GRID2: variants seen among roughly 807,000 people sequenced by gnomAD.
GRID2 encodes glutamate receptor ionotropic, delta-2.
A neutral mutation model predicts 114.8 loss-of-function variants in GRID2; 33 were observed. That is an observed-to-expected ratio of 0.29 (90% CI 0.22 to 0.38). GRID2 has a LOEUF of 0.38. Among genes scored for constraint, GRID2 ranks in the 10% least tolerant of loss-of-function variants. The probability of loss-of-function intolerance (pLI) is 1.00; values close to 1 mark genes in which losing one functional copy is unlikely to be tolerated. For missense variants in GRID2, 1,184 were observed against 1,257.7 expected (o/e 0.94, Z 0.89); for synonymous variants, 505 against 449.9 (o/e 1.12, Z -1.55).
intron 1 of GRID2, among the ~76,000 whole-genome samples, chr4:92,387,111 G>C (rs1730000728): frequency 6.6e-6 from 1 of 151,748 alleles, no homozygotes; most frequent in Non-Finnish European, 1.5e-5. Context: ...ATTATCTGTT[G>C]ATTTCACCTG....
chr4:92,358,853 C>T (rs1274913793), intron 1 of GRID2, among the ~76,000 whole-genome samples: 2 of 151,878 alleles, frequency 1.3e-5, no homozygotes, highest in East Asian at 1.9e-4. Flanking sequence ...GTGCCATTCT[C>T]ATTAGTATAG....
chr4:92,938,703 A>C, intron 2 of GRID2, among the ~76,000 whole-genome samples: 1 of 145,472 alleles, frequency 6.9e-6, no homozygotes, highest in South Asian at 2.4e-4. Context: ...TCTTAATGCT[A>C]TCCCTCCCCC....
At chr4:93,172,820 G>C (rs1579189813) in intron 4 of GRID2, among the ~76,000 whole-genome samples, 1 of 151,892 alleles carries the variant, frequency 6.6e-6, no homozygotes, top group African/African-American at 2.4e-5. Flanking sequence ...CAGAAGTTTT[G>C]ATTCAAATTA....
At chr4:92,598,440 C>A (rs1269809995) in intron 2 of GRID2, among the ~76,000 whole-genome samples, 1 of 152,088 alleles carries the variant, frequency 6.6e-6, no homozygotes, top group Admixed American at 6.6e-5. Flanking sequence ...CCCTTTTAAT[C>A]CTTGACTCTC....
At chr4:92,771,520 G>T (rs1738547394) in intron 2 of GRID2, among the ~76,000 whole-genome samples, 3 of 152,102 alleles carry the variant, frequency 2.0e-5, no homozygotes, top group Admixed American at 1.3e-4. Flanking sequence ...GAGTGTGAAT[G>T]TGTAAGTTTT....
At chr4:93,796,749 C>T (rs1394528287) in intron 1 of GRID2, among the ~76,000 whole-genome samples, 1 of 152,106 alleles carries the variant, frequency 6.6e-6, no homozygotes, top group East Asian at 1.9e-4. Context: ...TGGGTTTCAC[C>T]ATGTTGGCCA....
rs531679793 is a variant in GRID2, at chr4:92,909,264, C to CT, written c.245-175720dup. On this transcript the variant is annotated intron_variant, in intron 2 of 15. Coordinates refer to ENST00000282020, the MANE Select transcript of GRID2 (RefSeq NM_001510.4). ...AACATGCAATAAAGTTAGTTTTTTT[C>CT]TTTTTTTTTTTCAAGAAATGCTTTA... Among the ~76,000 whole-genome samples the CT allele has an allele frequency of 7.5e-3, 1,052 of 141,204 alleles. 15 individuals are homozygous for CT. The highest frequency in any genetic ancestry group is 0.021 in the African/African-American group (802 of 38,734). The allele number at this position is 141,204 out of a possible 152,430, so 92.6% of individuals were successfully genotyped here. A position where few individuals can be genotyped will look rare whatever the true frequency, so the allele number is the denominator to read the frequency against.
At chr4:92,510,530 A>C (rs1186529841) in intron 1 of GRID2, among the ~76,000 whole-genome samples, 1 of 151,884 alleles carries the variant, frequency 6.6e-6, no homozygotes, top group Non-Finnish European at 1.5e-5. Flanking sequence ...TGATAGAAGC[A>C]AACTCTAGGG....
intron 8 of GRID2, among the ~76,000 whole-genome samples, chr4:93,323,427 C>T (rs913877392): frequency 2.0e-5 from 3 of 152,068 alleles, no homozygotes; most frequent in Non-Finnish European, 4.4e-5. Flanking sequence ...GGTACCAGTA[C>T]CATGCTGTTT....
chr4:93,061,202 T>TA (rs908400855), intron 2 of GRID2, among the ~76,000 whole-genome samples: 1 of 132,654 alleles, frequency 7.5e-6, no homozygotes, highest in African/African-American at 2.6e-5. Context: ...TCTTGTTTTT[T>TA]TTTTTTTTTT....
chr4:93,535,030 C>T (rs567860439), intron 13 of GRID2, among the ~76,000 whole-genome samples: 2 of 152,046 alleles, frequency 1.3e-5, no homozygotes, highest in East Asian at 1.9e-4. Context: ...CTCACCTCCA[C>T]CCCAGGCTCT....
intron 2 of GRID2, among the ~76,000 whole-genome samples, chr4:93,007,748 G>A (rs1280073836): frequency 6.6e-6 from 1 of 151,926 alleles, no homozygotes; most frequent in Non-Finnish European, 1.5e-5. Context: ...AATGGATAAA[G>A]AAAATAAAAT....
chr4:92,500,679 G>T (rs989396744), intron 1 of GRID2, among the ~76,000 whole-genome samples: 1 of 152,140 alleles, frequency 6.6e-6, no homozygotes, highest in African/African-American at 2.4e-5. Context: ...GGCTTTAAAA[G>T]AATACCAGGT....
intron 2 of GRID2, among the ~76,000 whole-genome samples, chr4:92,655,357 A>G (rs1732173039): frequency 6.6e-6 from 1 of 151,758 alleles, no homozygotes; most frequent in South Asian, 2.1e-4. Context: ...TGCTTTGGCT[A>G]TTTGAGCCTT....
intron 2 of GRID2, among the ~76,000 whole-genome samples, chr4:92,753,099 C>T (rs1737533373): frequency 6.6e-6 from 1 of 152,078 alleles, no homozygotes; most frequent in African/African-American, 2.4e-5. Flanking sequence ...TGATTTATTA[C>T]AAATGTAAGT....
chr4:92,854,553 A>ATGTG (rs3077718), intron 2 of GRID2, among the ~76,000 whole-genome samples: 12 of 147,688 alleles, frequency 8.1e-5, no homozygotes, highest in East Asian at 5.9e-4. Context: ...GTGAGTGAGG[A>ATGTG]TGTGTGTGTG....
chr4:92,826,423 C>T (rs1741704986), intron 2 of GRID2, among the ~76,000 whole-genome samples: 1 of 152,042 alleles, frequency 6.6e-6, no homozygotes, highest in African/African-American at 2.4e-5. Flanking sequence ...TTCCTTCCTG[C>T]TCTATATTTG....
intron 2 of GRID2, among the ~76,000 whole-genome samples, chr4:92,852,797 TCAGCACA>T (rs1743918671): frequency 6.6e-6 from 1 of 151,914 alleles, no homozygotes; most frequent in Non-Finnish European, 1.5e-5. Flanking sequence ...CCTCTTTACC[TCAGCACA>T]TACTCTTTCT....
intron 13 of GRID2, among the ~76,000 whole-genome samples, chr4:93,608,059 C>T (rs56884710): frequency 6.0e-4 from 72 of 119,224 alleles, no homozygotes; most frequent in Admixed American, 4.8e-3. Context: ...TATATATATA[C>T]GTATATAAGT....
Sources: gnomAD v4.1 joint callset for allele counts (sites outside exome capture counted in the v4.1 genomes callset) on GRCh38, gnomAD v4.1.1 for gene constraint, MANE v1.5 for transcripts, NCBI Gene and HGNC (gene_info 2026-07-23, HGNC 2026-07-21) for gene names.